PLD1: variants seen among roughly 807,000 people sequenced by gnomAD.
PLD1 encodes phospholipase D1.
Under a neutral mutation model 137.1 loss-of-function variants are expected in PLD1, and 112 were observed. That is an observed-to-expected ratio of 0.82 (90% CI 0.70 to 0.96). The LOEUF is 0.96. PLD1 is among the 40% of genes least tolerant of loss of function. PLD1 has a pLI of 0.00. For synonymous variants in PLD1, 431 were observed against 454.7 expected, an observed-to-expected ratio of 0.95 and a Z score of 0.66; for missense variants, 1,321 against 1,342.0, an observed-to-expected ratio of 0.98 and a Z score of 0.24.
At chr3:171,728,530 G>A (rs527752065) in intron 6 of PLD1, among the ~76,000 whole-genome samples, 90 of 152,156 alleles carry the variant, frequency 5.9e-4, no homozygotes, top group Non-Finnish European at 1.2e-3. Flanking sequence ...TCTCTGGAGA[G>A]CAGACAAATA....
At chr3:171,627,509 C>A (rs1411984883) in intron 23 of PLD1, among the ~76,000 whole-genome samples, 3 of 152,142 alleles carry the variant, frequency 2.0e-5, no homozygotes, top group Non-Finnish European at 4.4e-5. Context: ...CCAAGCGGAC[C>A]TAATAGACAT....
In PLD1 at chr3:171,647,998, C is replaced by A. The variant is rs181704420; in HGVS notation, c.2430-2975G>T. Reference sequence around the variant, plus strand: ...CTTGTCCTTTATGTCTGACTTGTTTCGCTTAGCATAACATCTTCAAGGTTC... The same window carrying A: ...CTTGTCCTTTATGTCTGACTTGTTTAGCTTAGCATAACATCTTCAAGGTTC... On this transcript the variant is annotated intron_variant, in intron 21 of 26. Transcript: ENST00000351298. Among the ~76,000 whole-genome samples the A allele has an allele frequency of 5.3e-5, 8 of 152,182 alleles. No individual in the cohort carries two copies. In the East Asian group the frequency reaches 9.6e-4, roughly 18 times the overall value.
intron 23 of PLD1, among the ~76,000 whole-genome samples, chr3:171,638,905 G>A (rs780074282): frequency 2.6e-5 from 4 of 152,086 alleles, no homozygotes; most frequent in Non-Finnish European, 5.9e-5. Context: ...AGGAGATCAA[G>A]AGACAGATGG....
At chr3:171,708,173 G>C (rs1716845939) in intron 11 of PLD1, among the ~76,000 whole-genome samples, 1 of 152,170 alleles carries the variant, frequency 6.6e-6, no homozygotes, top group Admixed American at 6.5e-5. Context: ...CCAACTACAG[G>C]AGTAAATTTC....
chr3:171,659,152 G>C (rs1737449884), intron 21 of PLD1, 61 bp downstream of exon 21: 4 of 1,159,242 alleles, frequency 3.5e-6, no homozygotes, highest in South Asian at 2.5e-5. Context: ...GCTTTGCAAA[G>C]TCATTTTAGT....
intron 1 of PLD1, among the ~76,000 whole-genome samples, chr3:171,769,127 G>A (rs1722174996): frequency 6.6e-6 from 1 of 152,038 alleles, no homozygotes; most frequent in African/African-American, 2.4e-5. Context: ...TATTCTCTGG[G>A]AAAACCCTAA....
intron 1 of PLD1, among the ~76,000 whole-genome samples, chr3:171,807,793 G>T (rs4597745): frequency 0.82 from 124,133 of 152,178 alleles, 50,893 homozygotes; most frequent in Middle Eastern, 0.94. Context: ...CACAGCACTA[G>T]TCACAATAGC....
At chr3:171,665,835 T>C (rs1329514759) in intron 19 of PLD1, among the ~76,000 whole-genome samples, 2 of 152,186 alleles carry the variant, frequency 1.3e-5, no homozygotes, top group Non-Finnish European at 2.9e-5. Flanking sequence ...GGCTTCAGCA[T>C]CATCTATCCC....
chr3:171,646,637 A>G (rs2108386933), intron 21 of PLD1, among the ~76,000 whole-genome samples: 1 of 151,324 alleles, frequency 6.6e-6, no homozygotes, highest in Admixed American at 6.6e-5. Context: ...AAAGGCTCAC[A>G]TCCCTAAATG....
chr3:171,766,519 T>C (rs1477540417), intron 1 of PLD1, among the ~76,000 whole-genome samples: 1 of 152,178 alleles, frequency 6.6e-6, no homozygotes, highest in Non-Finnish European at 1.5e-5. Flanking sequence ...GATAGTTTAA[T>C]ATCCATTATT....
At chr3:171,715,701 A>T (rs1055427799) in intron 8 of PLD1, among the ~76,000 whole-genome samples, 10 of 151,764 alleles carry the variant, frequency 6.6e-5, no homozygotes, top group Non-Finnish European at 1.2e-4. Context: ...CTTCTTTATT[A>T]TGCCATTCAT....
chr3:171,639,345 G>T (rs1225036879), intron 23 of PLD1, among the ~76,000 whole-genome samples: 2 of 123,804 alleles, frequency 1.6e-5, no homozygotes, highest in Non-Finnish European at 3.2e-5. Flanking sequence ...ATAAATAAAA[G>T]ATATATATGA....
intron 11 of PLD1, among the ~76,000 whole-genome samples, chr3:171,705,139 G>A (rs986512576): frequency 2.0e-5 from 3 of 152,162 alleles, no homozygotes; most frequent in East Asian, 1.9e-4. Context: ...CTGTCATAGC[G>A]GAAAGAGTCA....
At chr3:171,653,744 T>C (rs933285339) in intron 21 of PLD1, 8 of 152,378 alleles carry the variant, frequency 5.3e-5, no homozygotes, top group African/African-American at 1.9e-4. Context: ...ATGATGAATA[T>C]CATGGAAATG....
intron 1 of PLD1, among the ~76,000 whole-genome samples, chr3:171,773,858 T>C (rs1011766433): frequency 2.0e-5 from 3 of 151,904 alleles, no homozygotes; most frequent in East Asian, 2.0e-4. Flanking sequence ...ACGCCATTCT[T>C]CTGCCTCAGC....
At chr3:171,653,391 C>T (rs1736940037) in intron 21 of PLD1, 1 of 152,122 alleles carries the variant, frequency 6.6e-6, no homozygotes, top group African/African-American at 2.4e-5. Flanking sequence ...TTTTGTTTTA[C>T]TTTATATTTT....
chr3:171,775,295 AGTT>A (rs1722550725), intron 1 of PLD1, among the ~76,000 whole-genome samples: 1 of 152,098 alleles, frequency 6.6e-6, no homozygotes, highest in Admixed American at 6.6e-5. Flanking sequence ...AAATTACAGT[AGTT>A]ATTAGACCTG....
intron 6 of PLD1, among the ~76,000 whole-genome samples, chr3:171,732,488 T>C (rs1719019761): frequency 6.6e-6 from 1 of 152,188 alleles, no homozygotes. Context: ...CCAAACCATG[T>C]GCTGCAAGGC....
intron 25 of PLD1, among the ~76,000 whole-genome samples, chr3:171,608,769 G>A (rs999685673): frequency 6.6e-6 from 1 of 152,078 alleles, no homozygotes; most frequent in African/African-American, 2.4e-5. Flanking sequence ...CACTGCAGAT[G>A]TTAATTGTAA....
Sources: allele counts gnomAD v4.1 joint callset (sites outside exome capture counted in the v4.1 genomes callset), GRCh38; gene constraint gnomAD v4.1.1; transcripts MANE v1.5; gene names NCBI Gene and HGNC (gene_info 2026-07-23, HGNC 2026-07-21).